Variants in THAP2 observed in about 807,000 individuals in gnomAD.
THAP2 encodes the protein THAP domain containing 2.
A neutral mutation model predicts 18.8 loss-of-function variants in THAP2; 16 were observed. The ratio of observed to expected loss-of-function variants is 0.85; its 90% CI spans 0.58 to 1.29. THAP2 has a LOEUF of 1.29. Among genes scored for constraint, THAP2 ranks in the 50% most tolerant of loss-of-function variants. THAP2 has a pLI of 0.00. For missense variants in THAP2, 251 were observed against 265.3 expected, an observed-to-expected ratio of 0.95 and a Z score of 0.38; for synonymous variants, 80 against 89.2, an observed-to-expected ratio of 0.90 and a Z score of 0.58.
Position 71,676,962 on chromosome 12 carries a change from G to A in THAP2, c.541G>A (p.Val181Ile), listed in dbSNP as rs533799067. 3.7e-5 allele frequency: 60 copies of A among 1,613,752 alleles called. No individual in the cohort carries two copies. The East Asian group carries it at 3.8e-4, about 10-fold the overall frequency. The stretch of plus-strand genomic sequence containing the variant: ...GGTAAAGAATTTAGAAGCAAATAGT[G>A]TATTACCTAAAGGTACATCAGAACA... ...CLVKNLEANS[V>I]LPKGTSEHML... The change falls in exon 3 of 3, where the codon GTA (valine) becomes ATA (isoleucine). Residue 181 changes from valine (V) to isoleucine (I), a missense_variant. Val to Ile is a conservative substitution (Grantham distance 29). Transcript: ENST00000308086.
At chr12:71,676,637 A>C in intron 2 of THAP2, 52 bp from the exon 3 acceptor site, 1 of 1,521,138 alleles carries the variant, frequency 6.6e-7, no homozygotes, top group Non-Finnish European at 8.8e-7. Context: ...CTATGTGCTT[A>C]TTTGTGATAT....
intron 1 of THAP2, among the ~76,000 whole-genome samples, chr12:71,671,956 G>A (rs914548054): frequency 1.3e-5 from 2 of 152,142 alleles, no homozygotes; most frequent in Non-Finnish European, 2.9e-5. Flanking sequence ...TCCAGAAAAA[G>A]GGTTCTCATT....
intron 1 of THAP2, among the ~76,000 whole-genome samples, chr12:71,668,199 A>G (rs1004310045): frequency 1.1e-4 from 16 of 152,128 alleles, no homozygotes; most frequent in African/African-American, 2.9e-4. Flanking sequence ...TTAACACTCT[A>G]CTGTCCCACC....
In THAP2 at chr12:71,678,858, A is replaced by T. The variant is rs1456725645; in HGVS notation, c.*1750A>T. 1 of 152,154 alleles carries T rather than the reference A, an allele frequency of 6.6e-6. No individual in the cohort carries two copies. 9.4% of individuals were successfully genotyped at this position (152,154 alleles called of 1,614,324 possible). A position where few individuals can be genotyped will look rare whatever the true frequency, so the allele number is the denominator to read the frequency against. ...TGAAAATCTTTTTGTGAATGTTATAAATCTTGCTAGTTATTTTATCTTTAT... is the reference window on the plus strand; with the variant it reads ...TGAAAATCTTTTTGTGAATGTTATATATCTTGCTAGTTATTTTATCTTTAT... On this transcript the variant is annotated 3_prime_UTR_variant, in exon 3 of 3. Coordinates refer to ENST00000308086, the MANE Select transcript of THAP2 (RefSeq NM_031435.4).
At chr12:71,676,614 C>A in intron 2 of THAP2, 75 bp from the exon 3 acceptor site, 1 of 1,461,028 alleles carries the variant, frequency 6.8e-7, no homozygotes, top group South Asian at 1.4e-5. Flanking sequence ...ATACTGTTAT[C>A]CAAAACTGGA....
chr12:71,670,463 G>A (rs1027041489), intron 1 of THAP2, among the ~76,000 whole-genome samples: 1 of 152,042 alleles, frequency 6.6e-6, no homozygotes, highest in Non-Finnish European at 1.5e-5. Flanking sequence ...AACAATGCAG[G>A]GTTTAGGGGT....
At chr12:71,668,511 G>A (rs1881381024) in intron 1 of THAP2, among the ~76,000 whole-genome samples, 1 of 152,122 alleles carries the variant, frequency 6.6e-6, no homozygotes, top group East Asian at 1.9e-4. Flanking sequence ...AAGTCACCCA[G>A]ATATTATGCA....
chr12:71,678,320 G>A lies in THAP2; in HGVS notation c.*1212G>A, dbSNP rs2137584050. The A allele has an allele frequency of 6.6e-6, 1 of 152,622 alleles. No individual in the cohort carries two copies. The allele number at this position is 152,622 out of a possible 1,614,324, so 9.5% of individuals were successfully genotyped here. A position where few individuals can be genotyped will look rare whatever the true frequency, so the allele number is the denominator to read the frequency against. ...CTAAAACAGCAACAACAAAAATAAA[G>A]CAACCATAGTGCATAAGGGAAATTA... On this transcript the variant is annotated 3_prime_UTR_variant, in exon 3 of 3. Transcript: ENST00000308086.
Position 71,679,109 on chromosome 12 carries a change from C to T in THAP2, c.*2001C>T, listed in dbSNP as rs2137584504. 1 of 152,258 alleles carries T rather than the reference C, an allele frequency of 6.6e-6. No homozygotes were observed. Among genetic ancestry groups the T allele is most frequent in the Admixed American group, 6.5e-5 (1 of 15,294 alleles). 9.4% of individuals were successfully genotyped at this position (152,258 alleles called of 1,614,324 possible). On this transcript the variant is annotated 3_prime_UTR_variant, in exon 3 of 3. Coordinates refer to ENST00000308086, the MANE Select transcript of THAP2 (RefSeq NM_031435.4). ...CACCCTTCACCCCAGATACAAAACA[C>T]TTATTTGTGTAGCCCAGTTCCCATC...
At chr12:71,668,107 G>A (rs186353164) in intron 1 of THAP2, among the ~76,000 whole-genome samples, 1 of 152,256 alleles carries the variant, frequency 6.6e-6, no homozygotes, top group East Asian at 1.9e-4. Flanking sequence ...TGGATAAGGT[G>A]GATAAGGTTC....
At chr12:71,667,713 A>C (rs1881366619) in intron 1 of THAP2, 1 of 152,190 alleles carries the variant, frequency 6.6e-6, no homozygotes, top group African/African-American at 2.4e-5. Flanking sequence ...TAAATATTTA[A>C]TAAATGTTCT....
At chr12:71,664,668 A>G (rs1351603795) in intron 1 of THAP2, 88 bp downstream of exon 1, 1 of 1,476,342 alleles carries the variant, frequency 6.8e-7, no homozygotes, top group Non-Finnish European at 9.5e-7. Context: ...GATTCTGCTA[A>G]TTCTAATAAC....
chr12:71,672,670 T>C (rs1314409876), intron 1 of THAP2, among the ~76,000 whole-genome samples: 3 of 152,158 alleles, frequency 2.0e-5, no homozygotes, highest in African/African-American at 7.2e-5. Flanking sequence ...GATTTATTTA[T>C]TTTGAAATGG....
intron 1 of THAP2, chr12:71,665,123 T>C (rs1592609583): frequency 1.7e-6 from 1 of 577,314 alleles, no homozygotes; most frequent in Non-Finnish European, 3.1e-6. Flanking sequence ...AATAGAGTAA[T>C]AAAAAGAACC....
Position 71,678,261 on chromosome 12 carries a change from C to T in THAP2, c.*1153C>T, listed in dbSNP as rs1224347872. 1 of 152,526 alleles carries T rather than the reference C, an allele frequency of 6.6e-6. No homozygotes were observed. The highest frequency in any genetic ancestry group is 2.1e-4 in the South Asian group (1 of 4,824). The allele number at this position is 152,526 out of a possible 1,614,324, so 9.4% of individuals were successfully genotyped here. A position where few individuals can be genotyped will look rare whatever the true frequency, so the allele number is the denominator to read the frequency against. On this transcript the variant is annotated 3_prime_UTR_variant, in exon 3 of 3. Coordinates refer to ENST00000308086, the MANE Select transcript of THAP2 (RefSeq NM_031435.4). ...AGTGAGCTGTGATTGCACGACTGCA[C>T]TCCAGCCTGGGCAATGGAGTGAGAC...
chr12:71,674,479 C>A, intron 2 of THAP2, 81 bp downstream of exon 2: 1 of 1,355,802 alleles, frequency 7.4e-7, no homozygotes, highest in South Asian at 1.6e-5. Flanking sequence ...AACTGAAATT[C>A]ATTTATAGTG....
intron 2 of THAP2, among the ~76,000 whole-genome samples, chr12:71,676,428 G>A (rs1215120345): frequency 6.6e-6 from 1 of 151,974 alleles, no homozygotes; most frequent in Non-Finnish European, 1.5e-5. Flanking sequence ...AAGAAACCTT[G>A]GACGTCCATT....
chr12:71,665,078 T>C (rs893136352), intron 1 of THAP2: 11 of 669,266 alleles, frequency 1.6e-5, no homozygotes, highest in Non-Finnish European at 3.0e-5. Context: ...CGATGTTAAT[T>C]AAAGTGCAAA....
At chr12:71,671,826 C>A (rs1425807515) in intron 1 of THAP2, among the ~76,000 whole-genome samples, 1 of 152,050 alleles carries the variant, frequency 6.6e-6, no homozygotes, top group Admixed American at 6.5e-5. Flanking sequence ...ACAAATAGAC[C>A]ACTTTGACAC....
Sources: allele counts gnomAD v4.1 joint callset (sites outside exome capture counted in the v4.1 genomes callset), GRCh38; gene constraint gnomAD v4.1.1; transcripts MANE v1.5; gene names NCBI Gene and HGNC (gene_info 2026-07-23, HGNC 2026-07-21).